The following ADAMTS9 variants were observed in gnomAD, a reference collection of about 807,000 sequenced individuals.
ADAMTS9 encodes A disintegrin and metalloproteinase with thrombospondin motifs 9.
In ADAMTS9, 107 loss-of-function variants were observed where a neutral mutation model predicts 257.1. The ratio of observed to expected loss-of-function variants is 0.42; its 90% CI spans 0.36 to 0.49. The LOEUF is 0.49. ADAMTS9 is among the 20% of genes least tolerant of loss of function. The pLI, the probability that ADAMTS9 is intolerant of heterozygous loss-of-function variation, is 0.03. For missense variants in ADAMTS9, 2,353 were observed against 2,469.1 expected (o/e 0.95, Z 1.00); for synonymous variants, 982 against 880.9 (o/e 1.11, Z -2.03).
At chr3:64,613,530 A>T in intron 21 of ADAMTS9, 21 bp from the exon 22 acceptor site, 1 of 1,607,178 alleles carries the variant, frequency 6.2e-7, no homozygotes, top group Non-Finnish European at 8.5e-7. Flanking sequence ...AAGCGGAGCT[A>T]GTCAGGGTCA....
At chr3:64,584,821 A>G (rs545451353) in intron 28 of ADAMTS9, among the ~76,000 whole-genome samples, 52 of 152,274 alleles carry the variant, frequency 3.4e-4, no homozygotes, top group African/African-American at 1.2e-3. Flanking sequence ...ATTTAGAGAC[A>G]TAACATCCCA....
At chr3:64,617,349 G>A (rs1395218889) in intron 19 of ADAMTS9, among the ~76,000 whole-genome samples, 4 of 152,136 alleles carry the variant, frequency 2.6e-5, no homozygotes, top group African/African-American at 7.2e-5. Context: ...AAGAAAACAT[G>A]CCAGCAGCTT....
chr3:64,677,197 G>A (rs895665634), intron 3 of ADAMTS9, among the ~76,000 whole-genome samples: 2 of 152,152 alleles, frequency 1.3e-5, no homozygotes, highest in African/African-American at 4.8e-5. Context: ...TGAGGACCCA[G>A]TATGTAAAGG....
At chr3:64,647,607 G>C (rs1212384116) in intron 11 of ADAMTS9, among the ~76,000 whole-genome samples, 1 of 152,152 alleles carries the variant, frequency 6.6e-6, no homozygotes, top group African/African-American at 2.4e-5. Flanking sequence ...ATCCCCAAAA[G>C]AGAAGAAAAA....
chr3:64,535,692 T>C (rs1397829044), intron 37 of ADAMTS9, among the ~76,000 whole-genome samples: 1 of 151,806 alleles, frequency 6.6e-6, no homozygotes. Flanking sequence ...TAGCTGGGAC[T>C]ACAGGTGTGC....
At chr3:64,589,145 T>C (rs1300111942) in intron 28 of ADAMTS9, 1 of 152,196 alleles carries the variant, frequency 6.6e-6, no homozygotes, top group East Asian at 1.9e-4. Context: ...TGGCTAAAAA[T>C]GTATCTGTAA....
At chr3:64,560,893 T>A (rs1189927592) in intron 30 of ADAMTS9, among the ~76,000 whole-genome samples, 1 of 152,170 alleles carries the variant, frequency 6.6e-6, no homozygotes, top group Non-Finnish European at 1.5e-5. Flanking sequence ...TTCTACAGTT[T>A]AATCTTCTGT....
Position 64,561,700 on chromosome 3 carries a change from T to C in ADAMTS9, c.4576A>G (p.Ile1526Val). 6.2e-7 allele frequency: 1 copy of C among 1,613,612 alleles called. No homozygotes were observed. The highest frequency in any genetic ancestry group is 1.1e-5 in the South Asian group (1 of 91,060). Reference sequence around the variant, plus strand: ...TCTCTGGCTATTTTGTGTGTTCCGATCTGACAGCCCACATGCCTCTGCTGT... The same window carrying C: ...TCTCTGGCTATTTTGTGTGTTCCGACCTGACAGCCCACATGCCTCTGCTGT... ...GVQQRHVGCQ[I>V]GTHKIARETE... The change falls in exon 30 of 40, where the codon ATC becomes GTC. Residue 1526 changes from isoleucine (I) to valine (V), a missense_variant. Around this residue, in one of 3 missense-constraint regions of ADAMTS9, gnomAD observed 1,402 missense variants for 1,441.4 expected, o/e 0.97. Transcript: ENST00000498707.
chr3:64,571,825 G>A (rs2083692586), intron 28 of ADAMTS9, among the ~76,000 whole-genome samples: 1 of 152,082 alleles, frequency 6.6e-6, no homozygotes, highest in African/African-American at 2.4e-5. Context: ...CTGATAGAGG[G>A]GCTATCATTT....
At chr3:64,628,824 C>T (rs569502035) in intron 16 of ADAMTS9, among the ~76,000 whole-genome samples, 1 of 152,314 alleles carries the variant, frequency 6.6e-6, no homozygotes, top group Non-Finnish European at 1.5e-5. Flanking sequence ...TTCAACAATT[C>T]AGCAATCATC....
chr3:64,649,623 C>T lies in ADAMTS9; in HGVS notation c.1605+14G>A, dbSNP rs1054771040. ...ATCAGTAGATGAGGGCAGAAGTGGC[C>T]CTCCTACACTTACCATATATGGGCA... is the stretch of plus-strand genomic sequence containing the variant. On this transcript the variant is annotated intron_variant, in intron 10 of 39. Transcript: ENST00000498707. 1.9e-6 allele frequency: 3 copies of T among 1,592,572 alleles called. No individual in the cohort carries two copies. In the African/African-American group the frequency reaches 4.1e-5, roughly 22 times the overall value.
chr3:64,648,230 G>A (rs1700844483), intron 10 of ADAMTS9, among the ~76,000 whole-genome samples, 186 bp from the exon 11 acceptor site: 2 of 152,092 alleles, frequency 1.3e-5, no homozygotes, highest in Admixed American at 6.5e-5. Flanking sequence ...TTCTATCCCT[G>A]GTAATGGATA....
chr3:64,569,673 T>C (rs2083630534), intron 28 of ADAMTS9, among the ~76,000 whole-genome samples: 1 of 152,238 alleles, frequency 6.6e-6, no homozygotes, highest in East Asian at 1.9e-4. Flanking sequence ...GACATGTTTT[T>C]CTAGTAAACA....
intron 20 of ADAMTS9, 69 bp downstream of exon 20, chr3:64,615,891 C>A: frequency 1.3e-6 from 2 of 1,581,082 alleles, no homozygotes; most frequent in South Asian, 2.2e-5. Flanking sequence ...GGCTTACACA[C>A]CTGCAAGGAG....
intron 12 of ADAMTS9, among the ~76,000 whole-genome samples, chr3:64,638,049 G>C (rs1409873133): frequency 1.3e-5 from 2 of 152,190 alleles, no homozygotes; most frequent in Non-Finnish European, 2.9e-5. Flanking sequence ...TTTAAAGTAA[G>C]ATTTCATAAC....
intron 28 of ADAMTS9, among the ~76,000 whole-genome samples, 177 bp downstream of exon 28, chr3:64,594,081 C>T (rs913005007): frequency 3.3e-5 from 5 of 151,588 alleles, no homozygotes; most frequent in African/African-American, 4.8e-5. Context: ...GTCACTTTGG[C>T]AATATCATAA....
intron 3 of ADAMTS9, among the ~76,000 whole-genome samples, chr3:64,672,802 C>T (rs1701525781): frequency 1.3e-5 from 2 of 152,132 alleles, no homozygotes; most frequent in African/African-American, 2.4e-5. Flanking sequence ...CCCTTCTGGG[C>T]TTCAAAACAC....
intron 14 of ADAMTS9, 141 bp downstream of exon 14, chr3:64,633,331 C>T: frequency 2.3e-6 from 3 of 1,279,698 alleles, no homozygotes; most frequent in South Asian, 1.5e-5. Context: ...GATGCTGTTG[C>T]TGATCCCGGG....
At chr3:64,624,633 T>G (rs1700185077) in intron 16 of ADAMTS9, among the ~76,000 whole-genome samples, 2 of 152,214 alleles carry the variant, frequency 1.3e-5, no homozygotes, top group South Asian at 4.1e-4. Context: ...GATTTCACTG[T>G]TAAATCCAGA....
Sources: allele counts gnomAD v4.1 joint callset (sites outside exome capture counted in the v4.1 genomes callset), GRCh38; gene constraint gnomAD v4.1.1; regional missense constraint gnomAD v4.1.1; transcripts MANE v1.5; gene names NCBI Gene and HGNC (gene_info 2026-07-23, HGNC 2026-07-21).